Variants in INTS11 observed in about 807,000 individuals in gnomAD.
INTS11 encodes the protein integrator complex subunit 11, also known as CPSF3-like protein.
In INTS11, 77 loss-of-function variants were observed where a neutral mutation model predicts 78.6. That is an observed-to-expected ratio of 0.98 (90% CI 0.81 to 1.18). The LOEUF (loss-of-function observed/expected upper bound fraction) is 1.18. Among genes scored for constraint, INTS11 ranks in the 50% most tolerant of loss-of-function variants. INTS11 has a pLI of 0.00. For synonymous variants in INTS11, 441 were observed against 326.9 expected (o/e 1.35, Z -3.77); for missense variants, 875 against 825.9 (o/e 1.06, Z -0.73).
intron 1 of INTS11, chr1:1,323,214 G>A: frequency 6.5e-7 from 1 of 1,550,344 alleles, no homozygotes; most frequent in Non-Finnish European, 8.7e-7. Flanking sequence ...CCGTCCTGGT[G>A]TCTGTGCTGG....
At chr1:1,318,314 ATGT>A (rs1376733000) in intron 4 of INTS11, among the ~76,000 whole-genome samples, 7 of 152,076 alleles carry the variant, frequency 4.6e-5, no homozygotes, top group African/African-American at 1.7e-4. Flanking sequence ...AACTAAGCAA[ATGT>A]TGGTGTTACC....
rs752783300 is a variant in INTS11 at position 1,312,853 on chromosome 1, C to T, written c.1228G>A (p.Val410Met). Residue 410 changes from valine (V) to methionine (M), a missense_variant, in exon 12 of 17, where the codon GTG (valine) becomes ATG (methionine). Coordinates refer to ENST00000435064, the MANE Select transcript of INTS11 (RefSeq NM_017871.6). ...QLVGQAEPES[V>M]LLVHGEAKKM... is the part of the protein sequence containing the mutation. ...TTGGCCTCGCCATGCACCAGCAGCA[C>T]GCTCTCCGGCTCTGCCTGGCCCACC... 1.8e-5 allele frequency: 29 copies of T among 1,612,064 alleles called. No homozygotes were observed. In the South Asian group the frequency reaches 2.4e-4, roughly 13 times the overall value.
chr1:1,313,693 G>T (rs775865212), intron 9 of INTS11, 39 bp downstream of exon 9: 1 of 1,609,432 alleles, frequency 6.2e-7, no homozygotes. Flanking sequence ...GGAGACCGAC[G>T]GGTGTGGATG....
chr1:1,312,563 A>ACCCTG (rs562147098), intron 13 of INTS11, 30 bp downstream of exon 13: 528 of 1,581,212 alleles, frequency 3.3e-4, no homozygotes, highest in Non-Finnish European at 4.0e-4. Flanking sequence ...TGCCCCGAGC[A>ACCCTG]CCCTGCCCTG....
chr1:1,316,235 T>G, intron 4 of INTS11: 1 of 163,720 alleles, frequency 6.1e-6, no homozygotes, highest in Non-Finnish European at 1.3e-5. Flanking sequence ...TGTACTGAGA[T>G]CACGCCACTG....
chr1:1,324,594 T>C lies in INTS11; in HGVS notation c.15A>G (p.Arg5=). MPEI[R]VTPLGAGQDV... is the part of the protein sequence containing the mutation. ...GCTCCCACTCACCCAAGGGCGTGAC[T>C]CTGATCTCAGGCATCGTCTCCGCCG... The change falls in exon 1 of 17, where the codon AGA becomes AGG. Residue 5 remains arginine (R), a synonymous_variant. Transcript: ENST00000435064. 7.5e-6 allele frequency: 12 copies of C among 1,597,078 alleles called. No individual in the cohort carries two copies. Among genetic ancestry groups the C allele is most frequent in the Non-Finnish European group, 1.0e-5 (12 of 1,173,742 alleles).
At position 1,311,993 on chromosome 1, in the gene INTS11, C is replaced by T. The variant is rs771944123; in HGVS notation, c.1737+25G>A. 22 of 1,590,574 alleles carry T rather than the reference C, an allele frequency of 1.4e-5. 1 individual carries two copies. Among genetic ancestry groups the T allele is most frequent in the Admixed American group, 5.4e-5 (3 of 55,798 alleles). ...GGAATGTTGATACCTGTGTTGACCGCGGTGGGGTGGGGGTCACCCCTTACC... is the reference window on the plus strand; with the variant it reads ...GGAATGTTGATACCTGTGTTGACCGTGGTGGGGTGGGGGTCACCCCTTACC... On this transcript the variant is annotated intron_variant, in intron 16 of 16. Transcript: ENST00000435064.
Position 1,312,905 on chromosome 1 carries a change from G to C in INTS11, c.1176C>G (p.His392Gln). The C allele has an allele frequency of 6.2e-7, 1 of 1,612,488 alleles. No homozygotes were observed. Among genetic ancestry groups the C allele is most frequent in the African/African-American group, 1.3e-5 (1 of 75,070 alleles). ...MQVEYMSFSAHADAKGIMQLV... is the reference protein window; with the variant it reads ...MQVEYMSFSAQADAKGIMQLV... ...GCTGCATGATGCCCTTGGCGTCCGC[G>C]TGTGCGCTGAATGACATGTACTCCA... The change falls in exon 12 of 17, where the codon CAC (histidine) becomes CAG (glutamine). Residue 392 changes from histidine (H) to glutamine (Q), a missense_variant. Coordinates refer to ENST00000435064, the MANE Select transcript of INTS11 (RefSeq NM_017871.6).
At chr1:1,320,083 A>T (rs1351823326) in intron 3 of INTS11, 1 of 244,634 alleles carries the variant, frequency 4.1e-6, no homozygotes, top group East Asian at 1.1e-4. Context: ...CGTCCAGACG[A>T]GGCCACCCAG....
At chr1:1,321,416 G>A (rs954428362) in intron 1 of INTS11, among the ~76,000 whole-genome samples, 6 of 152,226 alleles carry the variant, frequency 3.9e-5, no homozygotes, top group Admixed American at 1.3e-4. Flanking sequence ...CAGAGACAAC[G>A]GCTGGTCTGT....
Position 1,313,786 on chromosome 1 carries a change from C to A in INTS11, c.903G>T (p.Glu301Asp). ...RKTFVQRNMF[E>D]FKHIKAFDRA... ...GGTCGAAGGCCTTGATGTGCTTGAA[C>A]TCAAACATGTTCCTCTGCACGAAAG... The change falls in exon 9 of 17, where the codon GAG (glutamate) becomes GAT (aspartate). Residue 301 changes from glutamate (E) to aspartate (D), a missense_variant. By Grantham distance (45) the Glu-to-Asp change is conservative. Transcript: ENST00000435064. 6.2e-7 allele frequency: 1 copy of A among 1,613,450 alleles called. No homozygotes were observed. Among genetic ancestry groups the A allele is most frequent in the Non-Finnish European group, 8.5e-7 (1 of 1,179,988 alleles).
Position 1,312,592 on chromosome 1 carries a change from C to A in INTS11, c.1402+1G>T. On this transcript the variant is annotated splice_donor_variant, in intron 13 of 16. Coordinates refer to ENST00000435064, the MANE Select transcript of INTS11 (RefSeq NM_017871.6). LOFTEE classifies it high-confidence loss of function. ...TGCCCTGCCCTGCCCAGCCCGCATACCCTGCGCCATCTCCCGCTTCAGCAG... is the reference window on the plus strand; with the variant it reads ...TGCCCTGCCCTGCCCAGCCCGCATAACCTGCGCCATCTCCCGCTTCAGCAG... 6.4e-7 allele frequency: 1 copy of A among 1,573,526 alleles called. No homozygotes were observed. The highest frequency in any genetic ancestry group is 1.8e-5 in the Admixed American group (1 of 56,992).
chr1:1,323,072 G>A, intron 1 of INTS11: 2 of 1,478,144 alleles, frequency 1.4e-6, no homozygotes. Context: ...GGAGGGCAGT[G>A]GGGCCCATGC....
chr1:1,315,045 A>G (rs1642494822), intron 6 of INTS11, 83 bp from the exon 7 acceptor site: 2 of 1,532,838 alleles, frequency 1.3e-6, no homozygotes, highest in South Asian at 2.3e-5. Flanking sequence ...GGACCCCAGT[A>G]CCACGCCCAG....
Position 1,314,245 on chromosome 1 carries a change from G to T in INTS11, c.767+56C>A. 1 of 1,477,658 alleles carries T rather than the reference G, an allele frequency of 6.8e-7. No individual in the cohort carries two copies. Among genetic ancestry groups the T allele is most frequent in the Non-Finnish European group, 9.3e-7 (1 of 1,079,618 alleles). The allele number at this position is 1,477,658 out of a possible 1,614,324, so 91.5% of individuals were successfully genotyped here. On this transcript the variant is annotated intron_variant, in intron 8 of 16. Transcript: ENST00000435064. The surrounding 1 kb of genome is among the most constrained non-coding windows in gnomAD (Gnocchi z 4.2). ...GCTGGACAGGGCTGCCCACCAACTG[G>T]ACTGTGTTCAGGCCGGGCCAGGGGC... is the stretch of plus-strand genomic sequence containing the variant.
rs750087288 is a variant in INTS11, at chr1:1,311,916, C to G, written c.1746G>C (p.Glu582Asp). ...GCAGAGATGTGAGGAAGCTCCCCAG[C>G]TCCTCGTCCTAGGGCAGAGGCAAAA... ...LLVSWTYQDEELGSFLTSLLK... is the reference protein window; with the variant it reads ...LLVSWTYQDEDLGSFLTSLLK... The change falls in exon 17 of 17, where the codon GAG becomes GAC. Residue 582 changes from glutamate (E) to aspartate (D), a missense_variant. Transcript: ENST00000435064. 1.3e-6 allele frequency: 2 copies of G among 1,576,038 alleles called. No homozygotes were observed. Among genetic ancestry groups the G allele is most frequent in the Non-Finnish European group, 1.7e-6 (2 of 1,159,526 alleles).
chr1:1,314,583 A>T lies in INTS11; in HGVS notation c.703-218T>A. On this transcript the variant is annotated intron_variant, in intron 7 of 16. Transcript: ENST00000435064. The surrounding 1 kb of genome is among the most constrained non-coding windows in gnomAD (Gnocchi z 4.2). Reference sequence around the variant, plus strand: ...ATGAGAGACAGAAGGGAGCTGCATGAGAGACAGAAGGAGCCTGGCCAGGGC... The same window carrying T: ...ATGAGAGACAGAAGGGAGCTGCATGTGAGACAGAAGGAGCCTGGCCAGGGC... The T allele has an allele frequency of 1.6e-6, 1 of 631,710 alleles. No homozygotes were observed. Among genetic ancestry groups the T allele is most frequent in the Non-Finnish European group, 2.7e-6 (1 of 367,060 alleles). The allele number at this position is 631,710 out of a possible 1,614,324, so 39.1% of individuals were successfully genotyped here.
rs1553166774 is a variant in INTS11, at chr1:1,312,204, G to GGC, written c.1607+21_1607+22insGC. On this transcript the variant is annotated intron_variant, in intron 15 of 16. Coordinates refer to ENST00000435064, the MANE Select transcript of INTS11 (RefSeq NM_017871.6). ...CCTCCAGGGCCCAAGGGAGTGGGGGGGGGGCGGGGCCGGGCGCCCACCTCT... is the reference window on the plus strand; with the variant it reads ...CCTCCAGGGCCCAAGGGAGTGGGGGGGCGGGGCGGGGCCGGGCGCCCACCTCT... 1.4e-5 allele frequency: 17 copies of GGC among 1,186,130 alleles called. 1 individual carries two copies. In the South Asian group the frequency reaches 1.8e-4, roughly 13 times the overall value. The allele number at this position is 1,186,130 out of a possible 1,614,324, so 73.5% of individuals were successfully genotyped here.
intron 4 of INTS11, chr1:1,316,763 A>G (rs918673162): frequency 5.9e-5 from 9 of 151,356 alleles, no homozygotes; most frequent in African/African-American, 2.2e-4. Context: ...CGTCTCTACT[A>G]AAAATACAAA....
Sources: gnomAD v4.1 joint callset for allele counts (sites outside exome capture counted in the v4.1 genomes callset) on GRCh38, gnomAD v4.1.1 for gene constraint, Gnocchi (gnomAD v3.1) non-coding constraint, MANE v1.5 for transcripts, NCBI Gene and HGNC (gene_info 2026-07-23, HGNC 2026-07-21) for gene names.